Variants in PTGER3 observed in about 807,000 individuals in gnomAD.
The protein encoded by PTGER3 is prostaglandin E2 receptor EP3 subtype.
A neutral mutation model predicts 34.7 loss-of-function variants in PTGER3; 22 were observed. That is an observed-to-expected ratio of 0.63 (90% CI 0.45 to 0.91). The LOEUF (loss-of-function observed/expected upper bound fraction) is 0.91. Among genes scored for constraint, PTGER3 ranks in the 40% least tolerant of loss-of-function variants. PTGER3 has a pLI of 0.00. For missense variants in PTGER3, 468 were observed against 519.4 expected, an observed-to-expected ratio of 0.90 and a Z score of 0.96; for synonymous variants, 241 against 230.1, an observed-to-expected ratio of 1.05 and a Z score of -0.43.
intron 2 of PTGER3, among the ~76,000 whole-genome samples, chr1:71,002,597 T>G (rs1284616083): frequency 6.6e-6 from 1 of 152,216 alleles, no homozygotes; most frequent in African/African-American, 2.4e-5. Flanking sequence ...ACAGGGATAT[T>G]CAAAACGGTC....
At chr1:71,006,404 C>G in intron 2 of PTGER3, 1 of 985,316 alleles carries the variant, frequency 1.0e-6, no homozygotes, top group Non-Finnish European at 1.2e-6. Flanking sequence ...CTGGGGATCC[C>G]AGTATTCATA....
intron 4 of PTGER3, among the ~76,000 whole-genome samples, chr1:70,942,860 TC>T (rs1026197404): frequency 3.9e-5 from 6 of 152,134 alleles, no homozygotes; most frequent in African/African-American, 1.2e-4. Context: ...GAGAAGGTGT[TC>T]ACCTGCAAGC....
At chr1:70,926,847 T>G (rs2100472745) in intron 4 of PTGER3, among the ~76,000 whole-genome samples, 1 of 152,228 alleles carries the variant, frequency 6.6e-6, no homozygotes, top group East Asian at 1.9e-4. Flanking sequence ...TATTTTGAGA[T>G]GCATCCCATT....
chr1:70,859,657 T>C (rs6672081), intron 4 of PTGER3, among the ~76,000 whole-genome samples: 23,757 of 152,220 alleles, frequency 0.16, 2,089 homozygotes, highest in Non-Finnish European at 0.19. Context: ...TGAACGTATC[T>C]GTGTTATTAA....
At chr1:70,862,724 A>C (rs1053847791) in intron 4 of PTGER3, among the ~76,000 whole-genome samples, 1 of 152,178 alleles carries the variant, frequency 6.6e-6, no homozygotes, top group Non-Finnish European at 1.5e-5. Flanking sequence ...ATGGCGGAAG[A>C]GAAGACAAGG....
chr1:71,030,524 G>A (rs530996181), intron 1 of PTGER3, among the ~76,000 whole-genome samples: 1 of 152,188 alleles, frequency 6.6e-6, no homozygotes, highest in Non-Finnish European at 1.5e-5. Context: ...TGTACTAGCT[G>A]AAAAATGTTT....
At chr1:70,932,577 T>A (rs953856909) in intron 4 of PTGER3, among the ~76,000 whole-genome samples, 7 of 151,838 alleles carry the variant, frequency 4.6e-5, no homozygotes, top group African/African-American at 1.7e-4. Context: ...CAAGAGAAAA[T>A]GAGGAAGATG....
intron 2 of PTGER3, among the ~76,000 whole-genome samples, chr1:70,999,229 A>G (rs1464831185): frequency 1.3e-5 from 2 of 152,196 alleles, no homozygotes; most frequent in East Asian, 3.8e-4. Flanking sequence ...TTATATATCT[A>G]TGGATAAGTT....
chr1:70,940,494 C>T (rs943920599), intron 4 of PTGER3, among the ~76,000 whole-genome samples: 11 of 152,056 alleles, frequency 7.2e-5, no homozygotes, highest in African/African-American at 2.2e-4. Flanking sequence ...AAGACATACC[C>T]GAGACTGGGA....
At chr1:70,889,414 C>CAAA (rs372750310) in intron 4 of PTGER3, among the ~76,000 whole-genome samples, 11 of 63,516 alleles carry the variant, frequency 1.7e-4, no homozygotes, top group Non-Finnish European at 2.7e-4. Flanking sequence ...GACTCCATCT[C>CAAA]AAAAAAAAAA....
downstream of PTGER3, among the ~76,000 whole-genome samples, chr1:70,968,093 TTTTG>T (rs1169478633): frequency 6.6e-6 from 1 of 152,172 alleles, no homozygotes; most frequent in Non-Finnish European, 1.5e-5. Context: ...CAGCTGAGTT[TTTTG>T]TTTATTTGTT....
In PTGER3 at chr1:70,989,376, G is replaced by A. The variant is rs77532554; in HGVS notation, c.1078-14988C>T. Reference sequence around the variant, plus strand: ...TTTTGGTGCTCACTTATGTTTCACTGGGAGAAGCACTCTGTTTTCAGTTTT... The same window carrying A: ...TTTTGGTGCTCACTTATGTTTCACTAGGAGAAGCACTCTGTTTTCAGTTTT... On this transcript the variant is annotated intron_variant, in intron 2 of 3. Transcript: ENST00000306666. Among the ~76,000 whole-genome samples the A allele has an allele frequency of 3.3e-5, 5 of 152,226 alleles. No homozygotes were observed. In the East Asian group the frequency reaches 9.7e-4, roughly 29 times the overall value.
intron 4 of PTGER3, among the ~76,000 whole-genome samples, chr1:70,895,530 A>G (rs1317351368): frequency 6.6e-6 from 1 of 152,244 alleles, no homozygotes; most frequent in Non-Finnish European, 1.5e-5. Flanking sequence ...TTTGTAAACC[A>G]AGTGAACAGA....
chr1:70,910,943 A>G (rs932669639), intron 4 of PTGER3, among the ~76,000 whole-genome samples: 2 of 151,878 alleles, frequency 1.3e-5, no homozygotes, highest in African/African-American at 4.8e-5. Context: ...TTATCCAGGC[A>G]TGGTGGTGTG....
chr1:71,046,585 A>C, intron 1 of PTGER3, 96 bp downstream of exon 1: 5 of 1,425,920 alleles, frequency 3.5e-6, no homozygotes, highest in Non-Finnish European at 4.6e-6. Flanking sequence ...CTGCGGTTGC[A>C]AACACACCCC....
exon 4 of PTGER3, chr1:70,952,765 C>A: frequency 1.5e-6 from 2 of 1,309,768 alleles, no homozygotes; most frequent in Non-Finnish European, 2.0e-6. Flanking sequence ...CCCAAATGAC[C>A]TGGCTTGCTG....
At chr1:70,986,286 A>G (rs1654907848) in intron 2 of PTGER3, among the ~76,000 whole-genome samples, 1 of 152,096 alleles carries the variant, frequency 6.6e-6, no homozygotes, top group Admixed American at 6.5e-5. Flanking sequence ...GCCATTTTTT[A>G]TTCCTTTACT....
chr1:71,032,977 T>C (rs1336448430), intron 1 of PTGER3, among the ~76,000 whole-genome samples: 1 of 152,206 alleles, frequency 6.6e-6, no homozygotes, highest in East Asian at 1.9e-4. Flanking sequence ...TATGACATTC[T>C]ATTATTTTAT....
At chr1:71,042,281 G>A (rs1051118240) in intron 1 of PTGER3, among the ~76,000 whole-genome samples, 14 of 149,248 alleles carry the variant, frequency 9.4e-5, no homozygotes, top group African/African-American at 3.5e-4. Flanking sequence ...CATTGGGCTG[G>A]GTTTTGGGAC....
Sources: gnomAD v4.1 joint callset for allele counts (sites outside exome capture counted in the v4.1 genomes callset) on GRCh38, gnomAD v4.1.1 for gene constraint, MANE v1.5 for transcripts, NCBI Gene and HGNC (gene_info 2026-07-23, HGNC 2026-07-21) for gene names.